The following ADAM20 variants were observed in gnomAD, a reference collection of about 807,000 sequenced individuals.
The protein encoded by ADAM20 is ADAM metallopeptidase domain 20, also known as disintegrin and metalloproteinase domain-containing protein 20.
For synonymous variants in ADAM20, 305 were observed against 310.2 expected (o/e 0.98, Z 0.18); for missense variants, 871 against 883.2 (o/e 0.99, Z 0.18).
At chr14:70,526,534 G>A (rs1345167767) in intron 1 of ADAM20, among the ~76,000 whole-genome samples, 1 of 152,216 alleles carries the variant, frequency 6.6e-6, no homozygotes, top group African/African-American at 2.4e-5. Context: ...GGTGAATTGA[G>A]AGAGGATCAT....
chr14:70,563,835 T>C, the ADAM20 span, among the ~76,000 whole-genome samples: 1 of 152,240 alleles, frequency 6.6e-6, no homozygotes, highest in Non-Finnish European at 1.5e-5. Context: ...CAGCTTCTAG[T>C]ACAGCCTGCA....
chr14:70,525,156 T>C (rs1883562204), intron 1 of ADAM20, among the ~76,000 whole-genome samples: 1 of 152,214 alleles, frequency 6.6e-6, no homozygotes, highest in Admixed American at 6.5e-5. Context: ...TATACTGTTC[T>C]TAAAATATGT....
chr14:70,527,886 G>T (rs922522623), intron 1 of ADAM20, among the ~76,000 whole-genome samples: 2 of 152,136 alleles, frequency 1.3e-5, no homozygotes, highest in Non-Finnish European at 2.9e-5. Flanking sequence ...TAGGAACTTT[G>T]TTCATGCCCT....
the ADAM20 span, among the ~76,000 whole-genome samples, chr14:70,578,682 A>G: frequency 6.6e-6 from 1 of 152,304 alleles, no homozygotes; most frequent in East Asian, 1.9e-4. Flanking sequence ...GGCAAAGGAC[A>G]TGAACAGATG....
At chr14:70,535,833 G>A (rs1883819777), upstream of ADAM20, among the ~76,000 whole-genome samples, 5 of 148,664 alleles carry the variant, frequency 3.4e-5, no homozygotes, top group Admixed American at 3.3e-4. Context: ...CAAAAATAAA[G>A]TGGATATACT....
chr14:70,537,338 C>T (rs1227746603), upstream of ADAM20, among the ~76,000 whole-genome samples: 2 of 152,214 alleles, frequency 1.3e-5, no homozygotes, highest in African/African-American at 4.8e-5. Flanking sequence ...ATTTCGCTTT[C>T]TCCTCTCCTC....
the ADAM20 span, among the ~76,000 whole-genome samples, chr14:70,565,221 C>T: frequency 6.6e-6 from 1 of 151,010 alleles, no homozygotes; most frequent in Admixed American, 6.6e-5. Flanking sequence ...TTTGAAATTA[C>T]AGCCAGAACA....
chr14:70,568,111 C>A, the ADAM20 span, among the ~76,000 whole-genome samples: 1 of 151,898 alleles, frequency 6.6e-6, no homozygotes, highest in East Asian at 1.9e-4. Context: ...AAACCTGCTA[C>A]CAGAAGGGCT....
chr14:70,567,100 T>C, the ADAM20 span, among the ~76,000 whole-genome samples: 4 of 152,122 alleles, frequency 2.6e-5, no homozygotes, highest in Non-Finnish European at 5.9e-5. Flanking sequence ...CGGTGGTGAC[T>C]TGGGAATTTC....
At chr14:70,541,147 A>G in the ADAM20 span, among the ~76,000 whole-genome samples, 7,841 of 152,296 alleles carry the variant, frequency 0.051, 261 homozygotes, top group Middle Eastern at 0.099. Flanking sequence ...TGGTTAAGGA[A>G]AGGAATGTTT....
the ADAM20 span, among the ~76,000 whole-genome samples, chr14:70,571,472 A>T: frequency 6.6e-6 from 1 of 152,180 alleles, no homozygotes; most frequent in East Asian, 1.9e-4. Context: ...CATGATTGTA[A>T]GTTTCCTGAG....
the ADAM20 span, chr14:70,556,943 A>G: frequency 6.6e-6 from 1 of 152,216 alleles, no homozygotes; most frequent in Non-Finnish European, 1.5e-5. Flanking sequence ...ATCATAAAAT[A>G]TGCAACAGTC....
At chr14:70,579,098 T>C in the ADAM20 span, among the ~76,000 whole-genome samples, 1 of 152,176 alleles carries the variant, frequency 6.6e-6, no homozygotes, top group Non-Finnish European at 1.5e-5. Context: ...GATGGGCACC[T>C]TGACTGATTC....
chr14:70,556,841 T>C, the ADAM20 span: 1 of 152,212 alleles, frequency 6.6e-6, no homozygotes, highest in Non-Finnish European at 1.5e-5. Flanking sequence ...CATGGGAGTA[T>C]ACCTCAAAAA....
the ADAM20 span, among the ~76,000 whole-genome samples, chr14:70,563,515 T>C: frequency 5.3e-5 from 8 of 152,180 alleles, no homozygotes; most frequent in African/African-American, 1.9e-4. Flanking sequence ...GCAACCAACA[T>C]AGGAAGAAGA....
chr14:70,553,765 T>C, the ADAM20 span, among the ~76,000 whole-genome samples: 2 of 148,018 alleles, frequency 1.4e-5, no homozygotes, highest in Non-Finnish European at 1.5e-5. Flanking sequence ...AAAAAAAAAC[T>C]GGTATAAAAG....
chr14:70,568,031 G>A, the ADAM20 span, among the ~76,000 whole-genome samples: 2 of 152,188 alleles, frequency 1.3e-5, no homozygotes. Flanking sequence ...GCCTGGGCAT[G>A]AGCTGTCTCC....
chr14:70,559,724 C>A, the ADAM20 span, among the ~76,000 whole-genome samples: 1 of 152,188 alleles, frequency 6.6e-6, no homozygotes, highest in Non-Finnish European at 1.5e-5. Context: ...GGTCTCCTTG[C>A]TGATCCACTA....
chr14:70,533,509 C>G (rs868765018), intron 1 of ADAM20, among the ~76,000 whole-genome samples: 2 of 152,196 alleles, frequency 1.3e-5, no homozygotes, highest in Middle Eastern at 3.4e-3. Context: ...AACAGAAAAC[C>G]AAACACTGCA....
Sources: gnomAD v4.1 joint callset for allele counts (sites outside exome capture counted in the v4.1 genomes callset) on GRCh38, gnomAD v4.1.1 for gene constraint, MANE v1.5 for transcripts, NCBI Gene and HGNC (gene_info 2026-07-23, HGNC 2026-07-21) for gene names.